The following DSG2 variants were observed in gnomAD, a reference collection of about 807,000 sequenced individuals.
DSG2 encodes the protein desmoglein 2.
In DSG2, 45 loss-of-function variants were observed where a neutral mutation model predicts 75.6. The ratio of observed to expected loss-of-function variants is 0.60; its 90% CI spans 0.47 to 0.76. DSG2 has a LOEUF of 0.76. Among genes scored for constraint, DSG2 ranks in the 30% least tolerant of loss-of-function variants. The probability of loss-of-function intolerance (pLI) is 0.00; values close to 1 mark genes in which losing one functional copy is unlikely to be tolerated. For missense variants in DSG2, 1,267 were observed against 1,357.4 expected, an observed-to-expected ratio of 0.93 and a Z score of 1.05; for synonymous variants, 429 against 483.9, an observed-to-expected ratio of 0.89 and a Z score of 1.49.
At position 31,541,208 on chromosome 18, in the gene DSG2, T is replaced by C; in HGVS notation, c.1895T>C (p.Leu632Pro). Reference sequence around the variant, plus strand: ...GTCTGTACAGTGGTACCACTTTTACTGCTGATGTGCCATTGCGGAAAGGGC... The same window carrying C: ...GTCTGTACAGTGGTACCACTTTTACCGCTGATGTGCCATTGCGGAAAGGGC... ...FLLLLLVPLL[L>P]LMCHCGKGAK... The change falls in exon 13 of 15, where the codon CTG becomes CCG. Residue 632 changes from leucine (L) to proline (P), a missense_variant. By Grantham distance (98) the Leu-to-Pro change is moderately conservative (BLOSUM62 -3). Transcript: ENST00000261590. 1 of 1,614,200 alleles carries C rather than the reference T, an allele frequency of 6.2e-7. No individual in the cohort carries two copies. The highest frequency in any genetic ancestry group is 1.1e-5 in the South Asian group (1 of 91,086).
intron 9 of DSG2, among the ~76,000 whole-genome samples, chr18:31,532,955 T>C (rs574009280): frequency 6.6e-6 from 1 of 152,280 alleles, no homozygotes; most frequent in South Asian, 2.1e-4. Flanking sequence ...CATGAATACA[T>C]CAAAAGATTG....
chr18:31,525,074 C>T (rs988226780), intron 8 of DSG2, among the ~76,000 whole-genome samples, 186 bp downstream of exon 8: 3 of 152,198 alleles, frequency 2.0e-5, no homozygotes, highest in Non-Finnish European at 4.4e-5. Flanking sequence ...CACTATGGTT[C>T]AAATTCATAT....
intron 8 of DSG2, among the ~76,000 whole-genome samples, chr18:31,525,751 C>T (rs1015996457): frequency 6.6e-6 from 1 of 152,096 alleles, no homozygotes; most frequent in African/African-American, 2.4e-5. Context: ...GTATGAGGCT[C>T]ACATTTGGAA....
chr18:31,523,139 T>TG (rs1172790623), intron 6 of DSG2, among the ~76,000 whole-genome samples: 10 of 152,184 alleles, frequency 6.6e-5, no homozygotes, highest in African/African-American at 2.4e-4. Context: ...TGGTGGCTCA[T>TG]GCCTGTAATG....
intron 1 of DSG2, among the ~76,000 whole-genome samples, chr18:31,515,921 A>C (rs2073091793): frequency 6.6e-6 from 1 of 152,224 alleles, no homozygotes; most frequent in Non-Finnish European, 1.5e-5. Flanking sequence ...GTTTCCCATG[A>C]TGTACCAACT....
In DSG2 at chr18:31,538,143, A is replaced by G. The variant is rs1240722454; in HGVS notation, c.1652-608A>G. Reference sequence around the variant, plus strand: ...AGAAAAAGTGGGTATATAGAGGGCAAAGAAAGCATTGTTGCAAAATGTAAA... The same window carrying G: ...AGAAAAAGTGGGTATATAGAGGGCAGAGAAAGCATTGTTGCAAAATGTAAA... On this transcript the variant is annotated intron_variant, in intron 11 of 14. Coordinates refer to ENST00000261590, the MANE Select transcript of DSG2 (RefSeq NM_001943.5). 2.0e-5 allele frequency among the ~76,000 whole-genome samples: 3 copies of G among 152,224 alleles called. No homozygotes were observed. In the East Asian group the frequency reaches 5.8e-4, roughly 29 times the overall value.
Position 31,521,249 on chromosome 18 carries a change from A to G in DSG2, c.523+6A>G, listed in dbSNP as rs769467654. ...TGAAGAGTTGAGTGCAGCACGTAAG[A>G]GTCTTTTTTTTTTTTTTTAATAAAT... On this transcript the variant is annotated splice_donor_region_variant and intron_variant, in intron 5 of 14. Transcript: ENST00000261590. 5.7e-6 allele frequency: 9 copies of G among 1,592,362 alleles called. No homozygotes were observed. The African/African-American group carries it at 1.2e-4, about 22-fold the overall frequency.
chr18:31,499,158 C>A (rs2073000805), intron 1 of DSG2, among the ~76,000 whole-genome samples: 1 of 152,148 alleles, frequency 6.6e-6, no homozygotes, highest in Non-Finnish European at 1.5e-5. Flanking sequence ...AATAAAGTGA[C>A]AGTTATGCTG....
intron 1 of DSG2, among the ~76,000 whole-genome samples, chr18:31,505,484 C>A (rs1023434874): frequency 1.3e-5 from 2 of 152,116 alleles, no homozygotes; most frequent in Non-Finnish European, 2.9e-5. Flanking sequence ...AGAGCAAGAT[C>A]TTTGTATCTT....
Position 31,548,717 on chromosome 18 carries a change from A to G in DSG2, c.*1974A>G, listed in dbSNP as rs1277104855. The G allele has an allele frequency of 6.6e-6, 1 of 152,372 alleles. No individual in the cohort carries two copies. Among genetic ancestry groups the G allele is most frequent in the East Asian group, 1.9e-4 (1 of 5,194 alleles). 9.4% of individuals were successfully genotyped at this position (152,372 alleles called of 1,614,324 possible). On this transcript the variant is annotated 3_prime_UTR_variant, in exon 15 of 15. Coordinates refer to ENST00000261590, the MANE Select transcript of DSG2 (RefSeq NM_001943.5). ...GGAAACCTAACCTGCCTCTTTTAGC[A>G]TAATCACATTTTCTAAATGATTTTC...
chr18:31,509,056 AAAG>A (rs143942685), intron 1 of DSG2, among the ~76,000 whole-genome samples: 4,111 of 152,328 alleles, frequency 0.027, 67 homozygotes, highest in Middle Eastern at 0.065. Flanking sequence ...CTGGAGTAGA[AAAG>A]AAGATTAAAT....
intron 6 of DSG2, 199 bp downstream of exon 6, chr18:31,522,448 T>A: frequency 1.8e-6 from 1 of 557,484 alleles, no homozygotes; most frequent in South Asian, 2.2e-5. Context: ...CTGGCCCAAA[T>A]TGTAATGTGC....
rs2256638 is a variant in DSG2, at chr18:31,521,840, G to C, written c.524-243G>C. On this transcript the variant is annotated intron_variant, in intron 5 of 14. Transcript: ENST00000261590. Reference sequence around the variant, plus strand: ...CTAATACTATTATAAACAAATCTGTGCCCTTATACAGCAATTTTTCAGGAC... The same window carrying C: ...CTAATACTATTATAAACAAATCTGTCCCCTTATACAGCAATTTTTCAGGAC... Among the ~76,000 whole-genome samples the C allele has an allele frequency of 0.3, 45,904 of 151,822 alleles. 7,184 individuals are homozygous for C. Among genetic ancestry groups the C allele is most frequent in the East Asian group, 0.46 (2,383 of 5,152 alleles).
At chr18:31,529,172 A>C (rs16962066) in intron 8 of DSG2, among the ~76,000 whole-genome samples, 5,062 of 152,290 alleles carry the variant, frequency 0.033, 235 homozygotes, top group African/African-American at 0.1. Flanking sequence ...CAAAAATGGA[A>C]ATGATAAAAT....
chr18:31,503,386 C>T (rs951825736), intron 1 of DSG2, among the ~76,000 whole-genome samples: 1 of 152,056 alleles, frequency 6.6e-6, no homozygotes, highest in African/African-American at 2.4e-5. Flanking sequence ...GAAATAGATT[C>T]TAGGTAGAGA....
chr18:31,501,656 T>G (rs1313061951), intron 1 of DSG2, among the ~76,000 whole-genome samples: 1 of 152,210 alleles, frequency 6.6e-6, no homozygotes, highest in Admixed American at 6.5e-5. Flanking sequence ...CTTTTGTCTC[T>G]TTATATCATC....
intron 1 of DSG2, among the ~76,000 whole-genome samples, chr18:31,508,820 A>C (rs2073052421): frequency 6.6e-6 from 1 of 152,072 alleles, no homozygotes; most frequent in Admixed American, 6.5e-5. Flanking sequence ...CTATGCTACC[A>C]TGTGATTTTA....
In DSG2 at chr18:31,521,090, T is replaced by A. The variant is rs1456928468; in HGVS notation, c.379-9T>A. The A allele has an allele frequency of 1.9e-6, 3 of 1,613,940 alleles. No homozygotes were observed. On this transcript the variant is annotated splice_polypyrimidine_tract_variant and intron_variant, in intron 4 of 14. Coordinates refer to ENST00000261590, the MANE Select transcript of DSG2 (RefSeq NM_001943.5). Reference sequence around the variant, plus strand: ...CTTAAATCTAATCTTATTTATGTCATGATTTCAGCTAACAGGTTACGCTTT... The same window carrying A: ...CTTAAATCTAATCTTATTTATGTCAAGATTTCAGCTAACAGGTTACGCTTT...
intron 1 of DSG2, among the ~76,000 whole-genome samples, chr18:31,505,780 A>G (rs545232524): frequency 6.7e-6 from 1 of 150,298 alleles, no homozygotes; most frequent in Admixed American, 6.6e-5. Context: ...TCCTGCCTCA[A>G]CCTCCCGAGT....
Sources: allele counts gnomAD v4.1 joint callset (sites outside exome capture counted in the v4.1 genomes callset), GRCh38; gene constraint gnomAD v4.1.1; transcripts MANE v1.5; gene names NCBI Gene and HGNC (gene_info 2026-07-23, HGNC 2026-07-21).